The following PIP variants were observed in gnomAD, a reference collection of about 807,000 sequenced individuals.
The protein encoded by PIP is prolactin-inducible protein.
In PIP, 9 loss-of-function variants were observed where a neutral mutation model predicts 12.8. The ratio of observed to expected loss-of-function variants is 0.70; its 90% CI spans 0.42 to 1.23. PIP has a LOEUF of 1.23. PIP is among the 50% of genes most tolerant of loss of function. The pLI, the probability that PIP is intolerant of heterozygous loss-of-function variation, is 0.00. For synonymous variants in PIP, 60 were observed against 66.1 expected, an observed-to-expected ratio of 0.91 and a Z score of 0.45; for missense variants, 172 against 179.5, an observed-to-expected ratio of 0.96 and a Z score of 0.24.
At chr7:143,137,988 C>T (rs1450113057) in intron 2 of PIP, among the ~76,000 whole-genome samples, 1 of 151,906 alleles carries the variant, frequency 6.6e-6, no homozygotes, top group Middle Eastern at 3.2e-3. Context: ...AGTAAAACTC[C>T]AAGGGTGAGA....
At chr7:143,139,401 A>G (rs1481884211) in intron 3 of PIP, 117 bp from the exon 4 acceptor site, 1 of 1,373,424 alleles carries the variant, frequency 7.3e-7, no homozygotes, top group Non-Finnish European at 1.0e-6. Flanking sequence ...TACAGGAGAC[A>G]AATTTGCAAA....
At chr7:143,134,228 ATATATAC>A (rs1563015876) in intron 1 of PIP, among the ~76,000 whole-genome samples, 63 of 89,968 alleles carry the variant, frequency 7.0e-4, no homozygotes, top group African/African-American at 1.8e-3. Context: ...ATATATATAT[ATATATAC>A]CACAGTTTCT....
intron 2 of PIP, among the ~76,000 whole-genome samples, chr7:143,136,634 T>C (rs1175784856): frequency 6.6e-6 from 1 of 152,044 alleles, no homozygotes; most frequent in Non-Finnish European, 1.5e-5. Context: ...ACATAATGTG[T>C]ACATAAAATT....
At position 143,135,208 on chromosome 7, in the gene PIP, T is replaced by G. The variant is rs529364553; in HGVS notation, c.110T>G (p.Ile37Arg). ...KAQDNTRKII[I>R]KNFDIPKSVR... Reference sequence around the variant, plus strand: ...CCCACAATCAGTCGGAAGATCATAATAAAGAATTTTGACATTCCCAAGTCA... The same window carrying G: ...CCCACAATCAGTCGGAAGATCATAAGAAAGAATTTTGACATTCCCAAGTCA... Residue 37 changes from isoleucine (I) to arginine (R), a missense_variant, in exon 2 of 4, where the codon ATA (isoleucine) becomes AGA (arginine). Physicochemically the swap from Ile to Arg is moderately conservative, Grantham distance 97. Transcript: ENST00000291009. 1.3e-6 allele frequency: 2 copies of G among 1,570,806 alleles called. No homozygotes were observed. The highest frequency in any genetic ancestry group is 2.2e-5 in the South Asian group (2 of 90,180).
rs769234794 is a variant in PIP, at chr7:143,139,578, A to C, written c.377A>C (p.Asp126Ala). Residue 126 changes from aspartate to alanine, a missense_variant, in exon 4 of 4, where the codon GAT (aspartate) becomes GCT (alanine). Coordinates refer to ENST00000291009, the MANE Select transcript of PIP (RefSeq NM_002652.3). ...VIRELGICPD[D>A]AAVIPIKNNR... ...CGGGAATTAGGCATCTGCCCTGATG[A>C]TGCTGCTGTAATCCCCATCAAAAAC... 7 of 1,611,648 alleles carry C rather than the reference A, an allele frequency of 4.3e-6. No individual in the cohort carries two copies. Among genetic ancestry groups the C allele is most frequent in the African/African-American group, 2.7e-5 (2 of 74,974 alleles).
At chr7:143,136,723 T>G (rs1325626884) in intron 2 of PIP, among the ~76,000 whole-genome samples, 1 of 151,996 alleles carries the variant, frequency 6.6e-6, no homozygotes, top group Non-Finnish European at 1.5e-5. Flanking sequence ...ATCAATAAAA[T>G]TACATGTGAC....
Position 143,139,544 on chromosome 7 carries a change from G to A in PIP, c.343G>A (p.Asp115Asn). ...NRTVQIAAVV[D>N]VIRELGICPD... ...AACTGTGCAAATTGCAGCCGTCGTT[G>A]ATGTTATTCGGGAATTAGGCATCTG... Residue 115 changes from aspartate (D) to asparagine (N), a missense_variant, in exon 4 of 4, where the codon GAT becomes AAT. Asp to Asn is a conservative substitution (Grantham distance 23). Transcript: ENST00000291009. The A allele has an allele frequency of 6.2e-7, 1 of 1,613,240 alleles. No homozygotes were observed. Among genetic ancestry groups the A allele is most frequent in the Non-Finnish European group, 8.5e-7 (1 of 1,179,252 alleles).
rs111526517 is a variant in PIP, at chr7:143,136,083, T to C, written c.201+784T>C. Reference sequence around the variant, plus strand: ...GGATTAGAGCATTATCCCTCCTGTCTAGCTGCCAAGGGCCAGAAGTCAAAT... The same window carrying C: ...GGATTAGAGCATTATCCCTCCTGTCCAGCTGCCAAGGGCCAGAAGTCAAAT... On this transcript the variant is annotated intron_variant, in intron 2 of 3. Transcript: ENST00000291009. Among the ~76,000 whole-genome samples the C allele has an allele frequency of 2.9e-3, 447 of 152,162 alleles. 3 individuals are homozygous for C. Among genetic ancestry groups the C allele is most frequent in the African/African-American group, 0.01 (434 of 41,550 alleles).
At chr7:143,139,470 A>G in intron 3 of PIP, 48 bp from the exon 4 acceptor site, 1 of 1,603,544 alleles carries the variant, frequency 6.2e-7, no homozygotes, top group East Asian at 2.2e-5. Flanking sequence ...AAAAGACAGG[A>G]CATGGCCGGG....
intron 1 of PIP, 118 bp downstream of exon 1, chr7:143,132,329 A>G: frequency 8.5e-7 from 1 of 1,175,370 alleles, no homozygotes; most frequent in Non-Finnish European, 1.2e-6. Flanking sequence ...CTCTAGTCCC[A>G]GGAGCTCCCA....
chr7:143,133,092 A>G (rs1165963710), intron 1 of PIP, among the ~76,000 whole-genome samples: 1 of 151,984 alleles, frequency 6.6e-6, no homozygotes, highest in Non-Finnish European at 1.5e-5. Flanking sequence ...TTCCCGCCAG[A>G]TGACAGTCCA....
chr7:143,137,852 T>G (rs970492001), intron 2 of PIP, among the ~76,000 whole-genome samples: 2 of 151,428 alleles, frequency 1.3e-5, no homozygotes, highest in Non-Finnish European at 3.0e-5. Flanking sequence ...GTGAGCCACG[T>G]TCGCACCATT....
At chr7:143,139,343 G>C (rs1301349555) in intron 3 of PIP, among the ~76,000 whole-genome samples, 154 bp downstream of exon 3, 1 of 151,940 alleles carries the variant, frequency 6.6e-6, no homozygotes, top group East Asian at 1.9e-4. Flanking sequence ...GAGCAGATGG[G>C]GAAAGCACCC....
In PIP at chr7:143,132,082, T is replaced by C; in HGVS notation, c.-35T>C. 1 of 1,611,988 alleles carries C rather than the reference T, an allele frequency of 6.2e-7. No homozygotes were observed. Among genetic ancestry groups the C allele is most frequent in the Non-Finnish European group, 8.5e-7 (1 of 1,178,758 alleles). On this transcript the variant is annotated 5_prime_UTR_variant, in exon 1 of 4. Coordinates refer to ENST00000291009, the MANE Select transcript of PIP (RefSeq NM_002652.3). ...ATGTGCTGGGCACCTGGGACACCAC[T>C]TCTCTGGGACACATTGCCTTCTGTT...
chr7:143,132,355 G>C (rs1799251164), intron 1 of PIP, 144 bp downstream of exon 1: 1 of 918,432 alleles, frequency 1.1e-6, no homozygotes, highest in South Asian at 1.7e-5. Flanking sequence ...CTCCTGCCAG[G>C]TTCCACTTCT....
chr7:143,138,564 T>C (rs948998301), intron 2 of PIP, among the ~76,000 whole-genome samples: 1 of 152,142 alleles, frequency 6.6e-6, no homozygotes, highest in Non-Finnish European at 1.5e-5. Flanking sequence ...TTCCACCTCA[T>C]ACCTGAGGAA....
intron 1 of PIP, among the ~76,000 whole-genome samples, chr7:143,133,355 A>T (rs1380319512): frequency 6.6e-6 from 1 of 151,988 alleles, no homozygotes; most frequent in Non-Finnish European, 1.5e-5. Flanking sequence ...TTGCTTAGGT[A>T]TTTATACCCT....
chr7:143,132,985 G>T (rs1184404546), intron 1 of PIP, among the ~76,000 whole-genome samples: 2 of 151,974 alleles, frequency 1.3e-5, no homozygotes, highest in Admixed American at 1.3e-4. Context: ...CAGATATCCT[G>T]TCCTGGAGGA....
rs147384445 is a variant in PIP at position 143,139,627 on chromosome 7, C to A, written c.426C>A (p.Ile142=). The A allele has an allele frequency of 1.2e-3, 1,855 of 1,611,050 alleles. 19 individuals are homozygous for A. Among genetic ancestry groups the A allele is most frequent in the Admixed American group, 0.01 (611 of 59,958 alleles). The part of the protein sequence containing the change: ...IKNNRFYTIE[I]LKVE ...ACAACCGGTTTTATACTATTGAAAT[C>A]CTAAAGGTAGAATAATGGAAGCCCT... Residue 142 remains isoleucine, a synonymous_variant, in exon 4 of 4, where the codon ATC becomes ATA. Transcript: ENST00000291009.
Sources: allele counts gnomAD v4.1 joint callset (sites outside exome capture counted in the v4.1 genomes callset), GRCh38; gene constraint gnomAD v4.1.1; transcripts MANE v1.5; gene names NCBI Gene and HGNC (gene_info 2026-07-23, HGNC 2026-07-21).